Variants in FAAH2 observed in about 807,000 individuals in gnomAD.
FAAH2 encodes fatty acid amide hydrolase 2, also known as fatty-acid amide hydrolase 2.
A neutral mutation model predicts 36.9 loss-of-function variants in FAAH2; 60 were observed. The observed-to-expected ratio is 1.63, with a 90% CI of 1.32 to 2.02. FAAH2 has a LOEUF of 2.02. FAAH2 is among the 30% of genes most tolerant of loss of function. The probability of loss-of-function intolerance (pLI) is 0.00; values close to 1 mark genes in which losing one functional copy is unlikely to be tolerated. For missense variants in FAAH2, 689 were observed against 397.5 expected, an observed-to-expected ratio of 1.73 and a Z score of -6.23; for synonymous variants, 214 against 143.8, an observed-to-expected ratio of 1.49 and a Z score of -3.49.
At chrX:57,176,884 G>T in the FAAH2 span, among the ~76,000 whole-genome samples, 14 of 111,221 alleles carry the variant, frequency 1.3e-4, no homozygotes, top group African/African-American at 4.6e-4. Context: ...GAATGTTTGT[G>T]TGATGGTTTT....
At chrX:57,161,820 C>A in the FAAH2 span, among the ~76,000 whole-genome samples, 22 of 111,676 alleles carry the variant, frequency 2.0e-4, no homozygotes, top group African/African-American at 6.5e-4. Flanking sequence ...ATCCAATTTG[C>A]CAGTCTGTGT....
At chrX:57,235,301 G>T in the FAAH2 span, among the ~76,000 whole-genome samples, 1 of 111,626 alleles carries the variant, frequency 9.0e-6, no homozygotes, top group Non-Finnish European at 1.9e-5. Context: ...AAAAAACCTT[G>T]TTGCAGTTAG....
chrX:57,392,679 C>G, intron 7 of FAAH2: 1 of 644,838 alleles, frequency 1.6e-6, no homozygotes, highest in Non-Finnish European at 2.6e-6. Flanking sequence ...TTTCAGGGTC[C>G]AAATCAGTAT....
upstream of FAAH2, among the ~76,000 whole-genome samples, chrX:57,283,372 G>T (rs773624237): frequency 9.0e-6 from 1 of 111,533 alleles, no homozygotes; most frequent in Non-Finnish European, 1.9e-5. Flanking sequence ...TGGGGACCCC[G>T]CTTGGGGAAG....
At chrX:57,472,661 T>C (rs915286484) in intron 10 of FAAH2, among the ~76,000 whole-genome samples, 1 of 111,433 alleles carries the variant, frequency 9.0e-6, no homozygotes, top group Non-Finnish European at 1.9e-5. Flanking sequence ...TTAGATCTCT[T>C]TGTTGGAAGA....
intron 10 of FAAH2, among the ~76,000 whole-genome samples, chrX:57,472,366 GAATCT>G (rs2057185896): frequency 8.9e-6 from 1 of 111,981 alleles, no homozygotes; most frequent in Non-Finnish European, 1.9e-5. Context: ...CTAATATGCA[GAATCT>G]ACAAAGAGCT....
chrX:57,264,869 C>T, the FAAH2 span, among the ~76,000 whole-genome samples: 2 of 112,206 alleles, frequency 1.8e-5, no homozygotes, highest in African/African-American at 6.5e-5. Context: ...AATGTGTGTG[C>T]CTCTCACGGA....
At position 57,488,800 on chromosome X, in the gene FAAH2, G is replaced by A. The variant is rs373011232; in HGVS notation, c.1467G>A (p.Leu489=). 51 of 1,209,334 alleles carry A rather than the reference G, an allele frequency of 4.2e-5. No individual in the cohort carries two copies. In the African/African-American group the frequency reaches 8.8e-4, roughly 21 times the overall value. Residue 489 remains leucine (L), a synonymous_variant, in exon 11 of 11, where the codon CTG becomes CTA. Coordinates refer to ENST00000374900, the MANE Select transcript of FAAH2 (RefSeq NM_174912.4). The stretch of plus-strand genomic sequence containing the variant: ...GTTTGCCTGTGACCCAATGCCCACT[G>A]GGACTGAATGCCAAAGGACTCCCTT... ...ALGLPVTQCP[L]GLNAKGLPLG...
intron 7 of FAAH2, among the ~76,000 whole-genome samples, chrX:57,420,154 A>T (rs1483190509): frequency 8.9e-6 from 1 of 111,742 alleles, no homozygotes; most frequent in Non-Finnish European, 1.9e-5. Context: ...AGGTAGCATG[A>T]TGCCTCCAGC....
chrX:57,192,659 A>G, the FAAH2 span, among the ~76,000 whole-genome samples: 50,241 of 110,682 alleles, frequency 0.45, 11,434 homozygotes, highest in African/African-American at 0.89. Flanking sequence ...TTTATTTGTT[A>G]CAGGAAGTCA....
intron 5 of FAAH2, among the ~76,000 whole-genome samples, chrX:57,361,516 T>G (rs2054285592): frequency 9.0e-6 from 1 of 111,711 alleles, no homozygotes; most frequent in African/African-American, 3.2e-5. Flanking sequence ...GAAATTAAGA[T>G]TTTTTCCTAA....
intron 7 of FAAH2, among the ~76,000 whole-genome samples, chrX:57,409,758 AT>A (rs767382412): frequency 9.1e-6 from 1 of 109,988 alleles, no homozygotes; most frequent in Non-Finnish European, 1.9e-5. Context: ...CTACTTGTTT[AT>A]TTTTTATTTT....
At chrX:57,376,311 G>A (rs999393198) in intron 5 of FAAH2, among the ~76,000 whole-genome samples, 11 of 110,622 alleles carry the variant, frequency 9.9e-5, no homozygotes, top group Non-Finnish European at 1.3e-4. Flanking sequence ...AGGTGTATAC[G>A]TGCCATGGTG....
intron 7 of FAAH2, among the ~76,000 whole-genome samples, chrX:57,425,419 C>T (rs1359001125): frequency 9.0e-6 from 1 of 111,038 alleles, no homozygotes; most frequent in Non-Finnish European, 1.9e-5. Flanking sequence ...CATATAATAA[C>T]CAGACTACAA....
chrX:57,301,295 A>T (rs886321578), intron 2 of FAAH2, among the ~76,000 whole-genome samples: 2 of 110,884 alleles, frequency 1.8e-5, no homozygotes, highest in African/African-American at 6.6e-5. Flanking sequence ...AAAAAGGATG[A>T]CTTCATTTCC....
chrX:57,279,201 C>A, the FAAH2 span, among the ~76,000 whole-genome samples: 1 of 112,385 alleles, frequency 8.9e-6, no homozygotes, highest in East Asian at 2.8e-4. Flanking sequence ...TTGGAACCAA[C>A]CAAAATGTCA....
At chrX:57,168,621 C>T in the FAAH2 span, among the ~76,000 whole-genome samples, 37 of 111,560 alleles carry the variant, frequency 3.3e-4, no homozygotes, top group African/African-American at 1.1e-3. Flanking sequence ...ATTAATTGTT[C>T]AATTTCAATA....
intron 10 of FAAH2, among the ~76,000 whole-genome samples, chrX:57,470,206 G>T (rs1033059180): frequency 9.1e-6 from 1 of 110,212 alleles, no homozygotes; most frequent in African/African-American, 3.3e-5. Context: ...GAGCAAGAGC[G>T]AACACATTCA....
intron 5 of FAAH2, among the ~76,000 whole-genome samples, chrX:57,341,601 T>G (rs1195463792): frequency 1.8e-5 from 2 of 110,353 alleles, no homozygotes; most frequent in Non-Finnish European, 3.8e-5. Context: ...TGTCTTTCAA[T>G]AGTTATAATA....
Sources: allele counts gnomAD v4.1 joint callset (sites outside exome capture counted in the v4.1 genomes callset), GRCh38; gene constraint gnomAD v4.1.1; transcripts MANE v1.5; gene names NCBI Gene and HGNC (gene_info 2026-07-23, HGNC 2026-07-21).